Variants in GTF3C5 observed in about 807,000 individuals in gnomAD.
GTF3C5 encodes general transcription factor IIIC subunit 5, also known as general transcription factor 3C polypeptide 5.
Under a neutral mutation model 61.0 loss-of-function variants are expected in GTF3C5, and 47 were observed. That is an observed-to-expected ratio of 0.77 (90% CI 0.61 to 0.98). The LOEUF is 0.98. Ranked by LOEUF, GTF3C5 falls within the 50% of genes least tolerant of loss-of-function variation. The pLI is 0.00. For synonymous variants in GTF3C5, 295 were observed against 275.4 expected, an observed-to-expected ratio of 1.07 and a Z score of -0.71; for missense variants, 659 against 703.3, an observed-to-expected ratio of 0.94 and a Z score of 0.71.
chr9:133,054,772 G>A lies in GTF3C5; in HGVS notation c.1130G>A (p.Gly377Asp). Residue 377 changes from glycine (G) to aspartate (D), a missense_variant, in exon 8 of 11, where the codon GGT becomes GAT. Coordinates refer to ENST00000372097, the MANE Select transcript of GTF3C5 (RefSeq NM_012087.4). ...KQGLGPSGTS[G>D]ARKPASSKYK... ...GGCCTGGGCCCGTCGGGGACGAGTG[G>A]TGCTCGGAAACCAGCTTCCAGCAAG... The A allele has an allele frequency of 1.9e-6, 3 of 1,584,144 alleles. No individual in the cohort carries two copies. The highest frequency in any genetic ancestry group is 2.6e-6 in the Non-Finnish European group (3 of 1,165,630).
chr9:133,049,975 T>C (rs1342758065), intron 3 of GTF3C5, among the ~76,000 whole-genome samples: 1 of 152,164 alleles, frequency 6.6e-6, no homozygotes, highest in African/African-American at 2.4e-5. Flanking sequence ...GGTTCCCTCT[T>C]GGTGTTGGAC....
chr9:133,058,217 G>A lies in GTF3C5; in HGVS notation c.*237G>A, dbSNP rs1395832411. The A allele has an allele frequency of 4.0e-6, 5 of 1,265,112 alleles. No homozygotes were observed. The highest frequency in any genetic ancestry group is 3.1e-4 in the Middle Eastern group (1 of 3,248). The allele number at this position is 1,265,112 out of a possible 1,614,324, so 78.4% of individuals were successfully genotyped here. On this transcript the variant is annotated 3_prime_UTR_variant, in exon 11 of 11. Coordinates refer to ENST00000372097, the MANE Select transcript of GTF3C5 (RefSeq NM_012087.4). ...TCCCCAAAGGGTATACCCTGGCTCT[G>A]CCACCCATGAACCAGCCCAGCATCC...
intron 6 of GTF3C5, among the ~76,000 whole-genome samples, 195 bp from the exon 7 acceptor site, chr9:133,054,213 G>A (rs1210975334): frequency 6.6e-6 from 1 of 152,220 alleles, no homozygotes; most frequent in East Asian, 1.9e-4. Context: ...CCAGGCACTT[G>A]TGAGAGCATC....
Position 133,047,171 on chromosome 9 carries a change from C to T in GTF3C5, c.572+3245C>T, listed in dbSNP as rs138816387. On this transcript the variant is annotated intron_variant, in intron 3 of 10. Transcript: ENST00000372097. Reference sequence around the variant, plus strand: ...ACAGACTCGCAATACCAGTCTCCTACGCAACAGAATTAATAGCACTCCCCA... The same window carrying T: ...ACAGACTCGCAATACCAGTCTCCTATGCAACAGAATTAATAGCACTCCCCA... 1.3e-4 allele frequency among the ~76,000 whole-genome samples: 20 copies of T among 152,192 alleles called. No individual in the cohort carries two copies. In the South Asian group the frequency reaches 3.9e-3, roughly 30 times the overall value.
intron 9 of GTF3C5, 32 bp downstream of exon 9, chr9:133,056,126 G>A (rs781142288): frequency 1.8e-5 from 28 of 1,578,212 alleles, no homozygotes; most frequent in Non-Finnish European, 2.4e-5. Context: ...AGACACTGAG[G>A]GGGGCCCGTG....
intron 1 of GTF3C5, among the ~76,000 whole-genome samples, chr9:133,040,407 C>T (rs1850002710): frequency 6.6e-6 from 1 of 152,170 alleles, no homozygotes; most frequent in Non-Finnish European, 1.5e-5. Context: ...CTCGTTGTGA[C>T]CCAGCATTGG....
rs149115378 is a variant in GTF3C5, at chr9:133,036,273, A to G, written c.153+5109A>G. ...GTGAATTATCAGTGGTTAGTGTTAA[A>G]TCATCTCTCTAATAGGATAGCTTCA... On this transcript the variant is annotated intron_variant, in intron 1 of 10. Transcript: ENST00000372097. 5.3e-3 allele frequency among the ~76,000 whole-genome samples: 810 copies of G among 152,300 alleles called. 9 individuals are homozygous for G. The highest frequency in any genetic ancestry group is 0.018 in the African/African-American group (766 of 41,540).
rs183668839 is a variant in GTF3C5, at chr9:133,050,935, G to A, written c.725G>A (p.Cys242Tyr). The A allele has an allele frequency of 3.8e-5, 62 of 1,613,134 alleles. No homozygotes were observed. Among genetic ancestry groups the A allele is most frequent in the Admixed American group, 1.5e-4 (9 of 59,818 alleles). Residue 242 changes from cysteine to tyrosine, a missense_variant, in exon 4 of 11, where the codon TGC (cysteine) becomes TAC (tyrosine). By Grantham distance (194) the Cys-to-Tyr change is radical. Coordinates refer to ENST00000372097, the MANE Select transcript of GTF3C5 (RefSeq NM_012087.4). The part of the protein sequence containing the change: ...EAAAQTWRRV[C>Y]TNPVDRKVEE... The stretch of plus-strand genomic sequence containing the variant: ...GCAGCCCAGACGTGGAGGAGAGTCT[G>A]CACTAACCCCGTGGACCGGAAGGTG...
chr9:133,047,430 C>A (rs981046909), intron 3 of GTF3C5, among the ~76,000 whole-genome samples: 7 of 152,152 alleles, frequency 4.6e-5, no homozygotes, highest in Non-Finnish European at 8.8e-5. Flanking sequence ...CTTTGCCTCC[C>A]TGCAGAAAAC....
chr9:133,058,189 A>G lies in GTF3C5; in HGVS notation c.*209A>G. The stretch of plus-strand genomic sequence containing the variant: ...TGCCTCTGGTCCTGAGGGGTTAGGG[A>G]CATCCCCAAAGGGTATACCCTGGCT... On this transcript the variant is annotated 3_prime_UTR_variant, in exon 11 of 11. Coordinates refer to ENST00000372097, the MANE Select transcript of GTF3C5 (RefSeq NM_012087.4). The G allele has an allele frequency of 7.2e-7, 1 of 1,383,562 alleles. No homozygotes were observed. The allele number at this position is 1,383,562 out of a possible 1,614,324, so 85.7% of individuals were successfully genotyped here. A position where few individuals can be genotyped will look rare whatever the true frequency, so the allele number is the denominator to read the frequency against.
chr9:133,048,358 G>T (rs776076083), intron 3 of GTF3C5, among the ~76,000 whole-genome samples: 2 of 149,406 alleles, frequency 1.3e-5, no homozygotes, highest in Non-Finnish European at 2.9e-5. Context: ...TTAGCCAGGT[G>T]TGGTGGTGGG....
chr9:133,035,528 A>G (rs1162195610), intron 1 of GTF3C5, among the ~76,000 whole-genome samples: 1 of 152,200 alleles, frequency 6.6e-6, no homozygotes, highest in Non-Finnish European at 1.5e-5. Context: ...TGCAGCTGAG[A>G]TAAGACTTCT....
chr9:133,052,817 C>CATTTT (rs778224042), intron 5 of GTF3C5, among the ~76,000 whole-genome samples: 13 of 151,964 alleles, frequency 8.6e-5, no homozygotes, highest in Admixed American at 1.3e-4. Context: ...TTGGCGTTGG[C>CATTTT]ATTTTATTTT....
At chr9:133,044,463 G>A (rs1850143396) in intron 3 of GTF3C5, 1 of 153,266 alleles carries the variant, frequency 6.5e-6, no homozygotes, top group South Asian at 2.0e-4. Context: ...TCGTGGGAAT[G>A]TCCCACTCTC....
At chr9:133,055,710 G>A (rs1195960093) in intron 8 of GTF3C5, 2 of 1,271,616 alleles carry the variant, frequency 1.6e-6, no homozygotes, top group African/African-American at 3.0e-5. Context: ...GCAGAGCCCG[G>A]CACAAGGCTA....
At position 133,054,477 on chromosome 9, in the gene GTF3C5, T is replaced by G; in HGVS notation, c.1058T>G (p.Val353Gly). Residue 353 changes from valine (V) to glycine (G), a missense_variant, in exon 7 of 11, where the codon GTC becomes GGC. Val to Gly is a moderately radical substitution (Grantham distance 109, BLOSUM62 -3). Transcript: ENST00000372097. ...TACAACTACAGCCTCCCCATCACCGTCAAGAAGACATGTAAGCGTGCCAGG... is the reference window on the plus strand; with the variant it reads ...TACAACTACAGCCTCCCCATCACCGGCAAGAAGACATGTAAGCGTGCCAGG... ...STYNYSLPIT[V>G]KKTSSQLVTM... 1.2e-6 allele frequency: 2 copies of G among 1,614,096 alleles called. No individual in the cohort carries two copies. The highest frequency in any genetic ancestry group is 1.7e-6 in the Non-Finnish European group (2 of 1,179,972).
chr9:133,057,820 T>C lies in GTF3C5; in HGVS notation c.1400T>C (p.Phe467Ser), dbSNP rs1401207276. 6.2e-7 allele frequency: 1 copy of C among 1,603,498 alleles called. No individual in the cohort carries two copies. The highest frequency in any genetic ancestry group is 1.3e-5 in the African/African-American group (1 of 74,814). ...QTIRSKRPAL[F>S]SSSAKADGGK... is the part of the protein sequence containing the mutation. Reference sequence around the variant, plus strand: ...TTGTCTCCTCCGGCCCCAGCTCTCTTTTCCAGCTCAGCCAAGGCTGATGGC... The same window carrying C: ...TTGTCTCCTCCGGCCCCAGCTCTCTCTTCCAGCTCAGCCAAGGCTGATGGC... Residue 467 changes from phenylalanine (F) to serine (S), a missense_variant, in exon 11 of 11, where the codon TTT becomes TCT. Transcript: ENST00000372097.
At chr9:133,048,669 C>CA (rs1284288340) in intron 3 of GTF3C5, among the ~76,000 whole-genome samples, 2 of 151,938 alleles carry the variant, frequency 1.3e-5, no homozygotes, top group Non-Finnish European at 2.9e-5. Context: ...AACTCCATCT[C>CA]AAAAAAAAGA....
In GTF3C5 at chr9:133,057,937, G is replaced by A. The variant is rs199967129; in HGVS notation, c.1517G>A (p.Gly506Asp). Reference sequence around the variant, plus strand: ...GAGGAGGACTTCAAGCCATCCGACGGCAGTGAAAACGAAATGGAGACAGAG... The same window carrying A: ...GAGGAGGACTTCAAGCCATCCGACGACAGTGAAAACGAAATGGAGACAGAG... ...EEEEDFKPSDGSENEMETEIL... is the reference protein window; with the variant it reads ...EEEEDFKPSDDSENEMETEIL... Residue 506 changes from glycine to aspartate, a missense_variant, in exon 11 of 11, where the codon GGC becomes GAC. Physicochemically the swap from Gly to Asp is moderately conservative, Grantham distance 94. Coordinates refer to ENST00000372097, the MANE Select transcript of GTF3C5 (RefSeq NM_012087.4). 1.2e-6 allele frequency: 2 copies of A among 1,614,010 alleles called. No individual in the cohort carries two copies. The highest frequency in any genetic ancestry group is 1.7e-6 in the Non-Finnish European group (2 of 1,180,012).
Sources: allele counts gnomAD v4.1 joint callset (sites outside exome capture counted in the v4.1 genomes callset), GRCh38; gene constraint gnomAD v4.1.1; transcripts MANE v1.5; gene names NCBI Gene and HGNC (gene_info 2026-07-23, HGNC 2026-07-21).